Variants in RNF146 observed in about 807,000 individuals in gnomAD.
RNF146 encodes E3 ubiquitin-protein ligase RNF146.
Under a neutral mutation model 29.7 loss-of-function variants are expected in RNF146, and 11 were observed. The ratio of observed to expected loss-of-function variants is 0.37; its 90% CI spans 0.23 to 0.61. RNF146 has a LOEUF of 0.61. RNF146 is among the 20% of genes least tolerant of loss of function. The pLI is 0.66. For missense variants in RNF146, 342 were observed against 438.9 expected, an observed-to-expected ratio of 0.78 and a Z score of 1.97; for synonymous variants, 150 against 159.7, an observed-to-expected ratio of 0.94 and a Z score of 0.46.
intron 2 of RNF146, among the ~76,000 whole-genome samples, chr6:127,281,956 A>G (rs1457796850): frequency 6.6e-6 from 1 of 151,706 alleles, no homozygotes; most frequent in African/African-American, 2.4e-5. Context: ...TCTCAGTGAT[A>G]CAGGTGTTAG....
chr6:127,275,514 A>C (rs1379191428), intron 1 of RNF146, among the ~76,000 whole-genome samples: 1 of 152,096 alleles, frequency 6.6e-6, no homozygotes, highest in Non-Finnish European at 1.5e-5. Flanking sequence ...GTTCAACAAA[A>C]ATTGATTGAC....
rs1448013667 is a variant in RNF146, at chr6:127,266,901, G to C, written c.-133G>C. On this transcript the variant is annotated 5_prime_UTR_variant, in exon 1 of 3. Coordinates refer to ENST00000368314, the MANE Select transcript of RNF146 (RefSeq NM_001242850.2). ...CGAGGCCAGAGAGAAAAGACTGCGA[G>C]GTGGCCGCAGCTGTGGCCGGAGAGG... is the stretch of plus-strand genomic sequence containing the variant. 1 of 152,252 alleles carries C rather than the reference G, an allele frequency of 6.6e-6. No homozygotes were observed. Among genetic ancestry groups the C allele is most frequent in the African/African-American group, 2.4e-5 (1 of 41,404 alleles). 9.4% of individuals were successfully genotyped at this position (152,252 alleles called of 1,614,324 possible).
chr6:127,282,122 C>T (rs964043290), intron 2 of RNF146, among the ~76,000 whole-genome samples: 3 of 151,696 alleles, frequency 2.0e-5, no homozygotes, highest in African/African-American at 7.3e-5. Context: ...TTGCACCACA[C>T]AAAAGTGAAT....
chr6:127,284,526 A>G (rs1044086404), intron 2 of RNF146, among the ~76,000 whole-genome samples: 1 of 151,874 alleles, frequency 6.6e-6, no homozygotes, highest in Non-Finnish European at 1.5e-5. Flanking sequence ...AATTTTATGG[A>G]AACTAACTTT....
rs974368110 is a variant in RNF146 at position 127,285,407 on chromosome 6, T to G, written c.3-1209T>G. On this transcript the variant is annotated intron_variant, in intron 2 of 2. Transcript: ENST00000368314. Reference sequence around the variant, plus strand: ...TACTGACCCATTTAGAATGGCAGAATTAGCTGGCAGAGAGATTGTCATTCA... The same window carrying G: ...TACTGACCCATTTAGAATGGCAGAAGTAGCTGGCAGAGAGATTGTCATTCA... The G allele has an allele frequency of 4.7e-6, 4 of 855,538 alleles. No individual in the cohort carries two copies. The African/African-American group carries it at 7.4e-5, about 16-fold the overall frequency. 53.0% of individuals were successfully genotyped at this position (855,538 alleles called of 1,614,324 possible). A position where few individuals can be genotyped will look rare whatever the true frequency, so the allele number is the denominator to read the frequency against.
chr6:127,271,004 C>T (rs2114416015), intron 1 of RNF146, among the ~76,000 whole-genome samples: 1 of 151,946 alleles, frequency 6.6e-6, no homozygotes, highest in South Asian at 2.1e-4. Flanking sequence ...TTAGTAGAGA[C>T]GGGGTTTCAC....
chr6:127,275,048 A>ACT (rs1778014570), intron 1 of RNF146, among the ~76,000 whole-genome samples: 1 of 152,134 alleles, frequency 6.6e-6, no homozygotes, highest in Non-Finnish European at 1.5e-5. Context: ...ATTTTTCTGA[A>ACT]CTGGAACACT....
At chr6:127,280,388 G>T (rs1239043886) in intron 2 of RNF146, 48 bp downstream of exon 2, 2 of 1,540,090 alleles carry the variant, frequency 1.3e-6, no homozygotes, top group African/African-American at 2.8e-5. Context: ...AAATTAAATG[G>T]ATTGGTTTAA....
At chr6:127,273,506 T>C (rs1053849423) in intron 1 of RNF146, among the ~76,000 whole-genome samples, 1 of 152,146 alleles carries the variant, frequency 6.6e-6, no homozygotes, top group East Asian at 1.9e-4. Flanking sequence ...CTTTTTTTGA[T>C]GTTTCAAGAC....
intron 2 of RNF146, among the ~76,000 whole-genome samples, chr6:127,282,564 A>G (rs2114495035): frequency 6.6e-6 from 1 of 151,880 alleles, no homozygotes; most frequent in South Asian, 2.1e-4. Context: ...ATCCATCAGT[A>G]ATCAAATGCT....
At chr6:127,280,373 G>A in intron 2 of RNF146, 33 bp downstream of exon 2, 1 of 1,544,878 alleles carries the variant, frequency 6.5e-7, no homozygotes, top group Non-Finnish European at 8.7e-7. Flanking sequence ...TTTCAGTGCT[G>A]CAGTAAATTA....
At chr6:127,272,966 A>G (rs943361438) in intron 1 of RNF146, among the ~76,000 whole-genome samples, 1 of 152,242 alleles carries the variant, frequency 6.6e-6, no homozygotes, top group Non-Finnish European at 1.5e-5. Flanking sequence ...TACTGTGTTT[A>G]TGTTACCTGT....
rs561977314 is a variant in RNF146 at position 127,280,704 on chromosome 6, A to T, written c.2+364A>T. 1.0e-4 allele frequency: 30 copies of T among 296,924 alleles called. No homozygotes were observed. The East Asian group carries it at 4.1e-3, about 41-fold the overall frequency. 18.4% of individuals were successfully genotyped at this position (296,924 alleles called of 1,614,324 possible). A position where few individuals can be genotyped will look rare whatever the true frequency, so the allele number is the denominator to read the frequency against. ...TGTAAATAAGACAGACTACTAGGTT[A>T]TAAAAACTCTAGTTACTAAAAACTT... is the stretch of plus-strand genomic sequence containing the variant. On this transcript the variant is annotated intron_variant, in intron 2 of 2. Transcript: ENST00000368314.
At chr6:127,270,866 AGT>A (rs1777375054) in intron 1 of RNF146, among the ~76,000 whole-genome samples, 1 of 149,830 alleles carries the variant, frequency 6.7e-6, no homozygotes, top group African/African-American at 2.5e-5. Flanking sequence ...ATTAGGCTGG[AGT>A]GCAGTGGTGC....
intron 2 of RNF146, among the ~76,000 whole-genome samples, chr6:127,281,403 A>G (rs974565262): frequency 1.3e-5 from 2 of 151,748 alleles, no homozygotes; most frequent in African/African-American, 4.8e-5. Flanking sequence ...ATTAACAAAC[A>G]GTGGAATAGA....
chr6:127,287,350 CTT>C lies in RNF146; in HGVS notation c.740_741del (p.Phe247CysfsTer12). Reference sequence around the variant, plus strand: ...GATGCAAGCACTTCTCTGGAAGACTCTTTTGCTCATTTACAACTCAGTGGAGA... The same window carrying C: ...GATGCAAGCACTTCTCTGGAAGACTCTTGCTCATTTACAACTCAGTGGAGA... On this transcript the variant is annotated frameshift_variant, in exon 3 of 3. Transcript: ENST00000368314. LOFTEE classifies it high-confidence loss of function. 2 of 1,613,452 alleles carry C rather than the reference CTT, an allele frequency of 1.2e-6. No individual in the cohort carries two copies. The highest frequency in any genetic ancestry group is 1.7e-6 in the Non-Finnish European group (2 of 1,179,676).
At chr6:127,274,404 A>G (rs1777907822) in intron 1 of RNF146, among the ~76,000 whole-genome samples, 1 of 152,112 alleles carries the variant, frequency 6.6e-6, no homozygotes, top group Admixed American at 6.6e-5. Flanking sequence ...GAGATAAAAT[A>G]TTTATGGATA....
At chr6:127,274,884 C>A (rs907730792) in intron 1 of RNF146, among the ~76,000 whole-genome samples, 5 of 152,154 alleles carry the variant, frequency 3.3e-5, no homozygotes, top group African/African-American at 1.2e-4. Flanking sequence ...TTTAAGTTAC[C>A]TGCAGTCATA....
intron 2 of RNF146, among the ~76,000 whole-genome samples, chr6:127,284,512 CA>C (rs752884794): frequency 1.3e-5 from 2 of 151,738 alleles, no homozygotes; most frequent in African/African-American, 4.8e-5. Context: ...AAAAGATTTT[CA>C]GGAATTTTAT....
Sources: gnomAD v4.1 joint callset for allele counts (sites outside exome capture counted in the v4.1 genomes callset) on GRCh38, gnomAD v4.1.1 for gene constraint, MANE v1.5 for transcripts, NCBI Gene and HGNC (gene_info 2026-07-23, HGNC 2026-07-21) for gene names.